The following ITPR1 variants were observed in gnomAD, a reference collection of about 807,000 sequenced individuals.
ITPR1 encodes inositol 1,4,5-trisphosphate-gated calcium channel ITPR1.
Under a neutral mutation model 318.4 loss-of-function variants are expected in ITPR1, and 96 were observed. That is an observed-to-expected ratio of 0.30 (90% CI 0.26 to 0.36). ITPR1 has a LOEUF of 0.36. Among genes scored for constraint, ITPR1 ranks in the 10% least tolerant of loss-of-function variants. The pLI is 1.00. For missense variants in ITPR1, 2,440 were observed against 3,460.2 expected (o/e 0.71, Z 7.40); for synonymous variants, 1,312 against 1,289.9 (o/e 1.02, Z -0.37).
chr3:4,641,467 C>T (rs1348188901), intron 6 of ITPR1, among the ~76,000 whole-genome samples: 1 of 152,162 alleles, frequency 6.6e-6, no homozygotes, highest in Non-Finnish European at 1.5e-5. Context: ...GCCTGCAACT[C>T]CTGGGCTCAG....
intron 16 of ITPR1, 137 bp from the exon 17 acceptor site, chr3:4,665,001 T>C: frequency 1.2e-6 from 1 of 831,716 alleles, no homozygotes; most frequent in Non-Finnish European, 2.0e-6. Context: ...AATGCAGTGT[T>C]CAGGTTATGG....
At chr3:4,727,250 T>TGGC in intron 42 of ITPR1, 77 bp downstream of exon 42, 1 of 1,020,588 alleles carries the variant, frequency 9.8e-7, no homozygotes, top group Non-Finnish European at 1.4e-6. Flanking sequence ...CACACTGTGA[T>TGGC]TGAGAGACAG....
At chr3:4,554,492 C>G (rs1176228247) in intron 4 of ITPR1, among the ~76,000 whole-genome samples, 1 of 152,120 alleles carries the variant, frequency 6.6e-6, no homozygotes, top group Non-Finnish European at 1.5e-5. Flanking sequence ...GGCTATGTGC[C>G]AGGCACTGGT....
At chr3:4,528,115 C>T (rs1237592760) in intron 4 of ITPR1, among the ~76,000 whole-genome samples, 1 of 152,052 alleles carries the variant, frequency 6.6e-6, no homozygotes, top group African/African-American at 2.4e-5. Flanking sequence ...AGCTAGCATC[C>T]AGCCCAGAAT....
chr3:4,715,391 T>C (rs2041692472), intron 39 of ITPR1, among the ~76,000 whole-genome samples: 1 of 152,218 alleles, frequency 6.6e-6, no homozygotes, highest in African/African-American at 2.4e-5. Context: ...TTTCACACAG[T>C]TGAGAACACT....
chr3:4,776,994 C>G (rs2046525595), intron 47 of ITPR1, among the ~76,000 whole-genome samples: 1 of 152,192 alleles, frequency 6.6e-6, no homozygotes, highest in African/African-American at 2.4e-5. Flanking sequence ...GAACAAAAGC[C>G]AACTGTGCTG....
At chr3:4,770,355 T>C (rs563943154) in intron 46 of ITPR1, among the ~76,000 whole-genome samples, 13 of 152,324 alleles carry the variant, frequency 8.5e-5, no homozygotes, top group Non-Finnish European at 1.5e-4. Context: ...GAAATGGAAC[T>C]GAGAGAAGCC....
chr3:4,761,073 A>G (rs1026653961), intron 44 of ITPR1, among the ~76,000 whole-genome samples: 21 of 152,206 alleles, frequency 1.4e-4, no homozygotes, highest in Middle Eastern at 3.4e-3. Flanking sequence ...TCTCATTCCC[A>G]TTTATAGTCC....
intron 33 of ITPR1, among the ~76,000 whole-genome samples, chr3:4,694,522 C>T (rs1226099403): frequency 2.0e-5 from 3 of 152,054 alleles, no homozygotes; most frequent in African/African-American, 7.3e-5. Flanking sequence ...ATGCGTTCTT[C>T]GGTGATTTCC....
chr3:4,650,392 T>G (rs1172052697), intron 10 of ITPR1, among the ~76,000 whole-genome samples: 1 of 152,172 alleles, frequency 6.6e-6, no homozygotes, highest in Non-Finnish European at 1.5e-5. Context: ...TTGAAGGACT[T>G]TTTGTTGGAT....
At chr3:4,767,122 G>A (rs1442284467) in intron 45 of ITPR1, among the ~76,000 whole-genome samples, 2 of 152,264 alleles carry the variant, frequency 1.3e-5, no homozygotes, top group African/African-American at 2.4e-5. Context: ...CACCAGAAGA[G>A]AAGTCGTACT....
chr3:4,795,197 T>C lies in ITPR1; in HGVS notation c.6931+10T>C, dbSNP rs1175717575. On this transcript the variant is annotated intron_variant, in intron 53 of 61. Coordinates refer to ENST00000649015, the MANE Select transcript of ITPR1 (RefSeq NM_001378452.1). ...AAGGGAGTCCGAGGAGGTACCCATA[T>C]CTTTAACTTCAAAAATCCTATTAGA... is the stretch of plus-strand genomic sequence containing the variant. The C allele has an allele frequency of 1.2e-6, 2 of 1,610,656 alleles. No individual in the cohort carries two copies. The highest frequency in any genetic ancestry group is 8.5e-7 in the Non-Finnish European group (1 of 1,178,512).
intron 4 of ITPR1, among the ~76,000 whole-genome samples, chr3:4,608,844 A>C (rs1188214066): frequency 2.0e-5 from 3 of 151,350 alleles, no homozygotes; most frequent in African/African-American, 7.3e-5. Flanking sequence ...TCTACTAAAG[A>C]TACAAAAATT....
intron 47 of ITPR1, among the ~76,000 whole-genome samples, chr3:4,776,561 G>A (rs1195696149): frequency 2.6e-5 from 4 of 152,184 alleles, no homozygotes; most frequent in Admixed American, 2.6e-4. Flanking sequence ...GGTCTCAGTT[G>A]TCTGTGAATG....
At chr3:4,564,171 C>A (rs2086976777) in intron 4 of ITPR1, among the ~76,000 whole-genome samples, 1 of 152,138 alleles carries the variant, frequency 6.6e-6, no homozygotes, top group Non-Finnish European at 1.5e-5. Context: ...GAGCTCCTGA[C>A]CTCAGCTGAT....
chr3:4,650,421 A>G (rs2093566618), intron 10 of ITPR1, among the ~76,000 whole-genome samples: 1 of 152,120 alleles, frequency 6.6e-6, no homozygotes, highest in Admixed American at 6.6e-5. Context: ...CTAGGTAGAT[A>G]GTTTTTTACT....
chr3:4,825,914 G>T, intron 60 of ITPR1: 1 of 387,584 alleles, frequency 2.6e-6, no homozygotes, highest in Admixed American at 3.3e-5. Flanking sequence ...GGGAAAAGAT[G>T]GTGGCAGCAG....
intron 10 of ITPR1, among the ~76,000 whole-genome samples, chr3:4,647,721 G>C (rs1308289553): frequency 2.6e-5 from 4 of 152,190 alleles, no homozygotes; most frequent in African/African-American, 9.6e-5. Flanking sequence ...ATTTCATTGT[G>C]GGTTTGGTTA....
intron 44 of ITPR1, among the ~76,000 whole-genome samples, chr3:4,761,626 GAA>G (rs961252873): frequency 6.6e-6 from 1 of 152,218 alleles, no homozygotes; most frequent in African/African-American, 2.4e-5. Context: ...GGGGTGGAGT[GAA>G]AAGTTTGGAA....
Sources: allele counts gnomAD v4.1 joint callset (sites outside exome capture counted in the v4.1 genomes callset), GRCh38; gene constraint gnomAD v4.1.1; transcripts MANE v1.5; gene names NCBI Gene and HGNC (gene_info 2026-07-23, HGNC 2026-07-21).